GABRG3: variants seen among roughly 807,000 people sequenced by gnomAD.
GABRG3 encodes the protein gamma-aminobutyric acid receptor subunit gamma-3.
In GABRG3, 25 loss-of-function variants were observed where a neutral mutation model predicts 48.8. The observed-to-expected ratio is 0.51, with a 90% CI of 0.37 to 0.72. The LOEUF (loss-of-function observed/expected upper bound fraction) is 0.72, where lower values mean the gene tolerates loss of function less well. GABRG3 is among the 30% of genes least tolerant of loss of function. The pLI, the probability that GABRG3 is intolerant of heterozygous loss-of-function variation, is 0.00. For synonymous variants in GABRG3, 227 were observed against 217.6 expected (o/e 1.04, Z -0.38); for missense variants, 394 against 577.9 (o/e 0.68, Z 3.26).
At chr15:27,039,158 GC>G (rs1406476929) in intron 3 of GABRG3, among the ~76,000 whole-genome samples, 2 of 152,208 alleles carry the variant, frequency 1.3e-5, no homozygotes, top group African/African-American at 4.8e-5. Context: ...GGCCAAACCA[GC>G]CTAAAGGGTT....
chr15:27,232,072 T>TA (rs1889817492), intron 3 of GABRG3, among the ~76,000 whole-genome samples: 1 of 152,178 alleles, frequency 6.6e-6, no homozygotes. Context: ...CCAATTCTAG[T>TA]AAAAATACTT....
chr15:27,481,825 G>A (rs191218094), intron 6 of GABRG3, among the ~76,000 whole-genome samples: 35 of 152,238 alleles, frequency 2.3e-4, no homozygotes, highest in Non-Finnish European at 3.5e-4. Context: ...TGGAGGCAGC[G>A]CAAAGGGAAA....
intron 5 of GABRG3, among the ~76,000 whole-genome samples, chr15:27,463,855 CTT>C (rs1001029651): frequency 6.6e-6 from 1 of 152,196 alleles, no homozygotes; most frequent in Non-Finnish European, 1.5e-5. Context: ...ATCACTCCAA[CTT>C]CTCTCTTCGC....
rs553271320 is a variant in GABRG3 at position 27,537,768 on chromosome 15, A to G, written c.*4887A>G. Reference sequence around the variant, plus strand: ...CAATTTCAGGATATCAGCTTGATCTAGTTGTATTAAGGCCAAAAGGCAGAC... The same window carrying G: ...CAATTTCAGGATATCAGCTTGATCTGGTTGTATTAAGGCCAAAAGGCAGAC... On this transcript the variant is annotated 3_prime_UTR_variant, in exon 10 of 10. Transcript: ENST00000615808. 1 of 151,542 alleles carries G rather than the reference A, an allele frequency of 6.6e-6. No individual in the cohort carries two copies. Among genetic ancestry groups the G allele is most frequent in the Non-Finnish European group, 1.5e-5 (1 of 67,908 alleles). 9.4% of individuals were successfully genotyped at this position (151,542 alleles called of 1,614,324 possible).
At chr15:27,285,932 C>T (rs1350880599) in intron 3 of GABRG3, among the ~76,000 whole-genome samples, 1 of 152,280 alleles carries the variant, frequency 6.6e-6, no homozygotes, top group South Asian at 2.1e-4. Flanking sequence ...GCATCTCACT[C>T]ACCTCTCTAT....
chr15:27,298,016 A>G (rs1021339887), intron 3 of GABRG3, among the ~76,000 whole-genome samples: 8 of 152,108 alleles, frequency 5.3e-5, no homozygotes, highest in Non-Finnish European at 1.2e-4. Context: ...CAAACGTTAC[A>G]TCAGAAAATA....
At chr15:26,998,909 G>C (rs1895389536) in intron 2 of GABRG3, among the ~76,000 whole-genome samples, 1 of 151,944 alleles carries the variant, frequency 6.6e-6, no homozygotes, top group Non-Finnish European at 1.5e-5. Context: ...CAATTTCCAG[G>C]GATTTTAAAT....
chr15:27,324,539 G>C (rs1212234905), intron 3 of GABRG3, among the ~76,000 whole-genome samples: 1 of 152,180 alleles, frequency 6.6e-6, no homozygotes, highest in African/African-American at 2.4e-5. Context: ...CCATGGTAAA[G>C]TGGGCATTGG....
chr15:27,126,542 G>A (rs1206357169), intron 3 of GABRG3, among the ~76,000 whole-genome samples: 2 of 152,194 alleles, frequency 1.3e-5, no homozygotes, highest in Admixed American at 6.5e-5. Context: ...CTGGCTGGGG[G>A]AGGCCATGGG....
intron 3 of GABRG3, among the ~76,000 whole-genome samples, chr15:27,273,358 G>A (rs1489068848): frequency 1.3e-5 from 2 of 152,226 alleles, no homozygotes; most frequent in Non-Finnish European, 2.9e-5. Flanking sequence ...ATTATTTCAT[G>A]TAATGGCCCT....
At chr15:27,255,499 G>C (rs1230454282) in intron 3 of GABRG3, among the ~76,000 whole-genome samples, 1 of 152,166 alleles carries the variant, frequency 6.6e-6, no homozygotes, top group Non-Finnish European at 1.5e-5. Flanking sequence ...AGGTGTTTGG[G>C]TGCTGCCTGT....
rs1018132138 is a variant in GABRG3, at chr15:27,541,598, G to T, written c.*8717G>T. On this transcript the variant is annotated 3_prime_UTR_variant, in exon 10 of 10. Transcript: ENST00000615808. ...CGGTGTGGATGCGCTTGGCCCCGAGGGGGCCGCGCCCTGCCCCAGTGCGTG... is the reference window on the plus strand; with the variant it reads ...CGGTGTGGATGCGCTTGGCCCCGAGTGGGCCGCGCCCTGCCCCAGTGCGTG... 9.2e-5 allele frequency: 14 copies of T among 152,428 alleles called. No individual in the cohort carries two copies. The highest frequency in any genetic ancestry group is 1.8e-4 in the Non-Finnish European group (12 of 68,102). 9.4% of individuals were successfully genotyped at this position (152,428 alleles called of 1,614,324 possible).
intron 3 of GABRG3, among the ~76,000 whole-genome samples, chr15:27,145,550 C>T (rs1414781830): frequency 1.3e-5 from 2 of 149,288 alleles, no homozygotes; most frequent in African/African-American, 4.9e-5. Flanking sequence ...TCAACAGTCT[C>T]AGAGACCTAT....
At chr15:27,159,612 T>C (rs1327077744) in intron 3 of GABRG3, among the ~76,000 whole-genome samples, 1 of 152,108 alleles carries the variant, frequency 6.6e-6, no homozygotes, top group East Asian at 1.9e-4. Flanking sequence ...GATTATTCGT[T>C]CTCAGCTACA....
At position 27,128,600 on chromosome 15, in the gene GABRG3, G is replaced by A. The variant is rs559892146; in HGVS notation, c.270+101779G>A. Among the ~76,000 whole-genome samples, 3 of 152,250 alleles carry A rather than the reference G, an allele frequency of 2.0e-5. No individual in the cohort carries two copies. In the South Asian group the frequency reaches 6.2e-4, roughly 32 times the overall value. On this transcript the variant is annotated intron_variant, in intron 3 of 9. Coordinates refer to ENST00000615808, the MANE Select transcript of GABRG3 (RefSeq NM_033223.5). ...GCTGATATTTTATATATTTGGATGG[G>A]GCATTGATGAAATAAGTGCAACACT... is the stretch of plus-strand genomic sequence containing the variant.
At chr15:27,440,490 T>A (rs1034106304) in intron 5 of GABRG3, among the ~76,000 whole-genome samples, 3 of 152,254 alleles carry the variant, frequency 2.0e-5, no homozygotes, top group Non-Finnish European at 4.4e-5. Context: ...GGAATGTACC[T>A]GATGCCATCC....
At chr15:27,296,836 G>A (rs1422783155) in intron 3 of GABRG3, among the ~76,000 whole-genome samples, 1 of 143,846 alleles carries the variant, frequency 7.0e-6, no homozygotes, top group Non-Finnish European at 1.5e-5. Context: ...TTTGTAAAAT[G>A]TACTCCTTCT....
intron 3 of GABRG3, among the ~76,000 whole-genome samples, chr15:27,209,070 G>A (rs1763785649): frequency 6.6e-6 from 1 of 152,226 alleles, no homozygotes; most frequent in Admixed American, 6.5e-5. Context: ...CAGCACGGCT[G>A]CTCAGGGCAC....
At chr15:27,377,030 C>T (rs1408774168) in intron 5 of GABRG3, among the ~76,000 whole-genome samples, 3 of 152,156 alleles carry the variant, frequency 2.0e-5, no homozygotes, top group African/African-American at 7.2e-5. Flanking sequence ...GAAATTTCTC[C>T]ACCAGATACC....
Sources: gnomAD v4.1 joint callset for allele counts (sites outside exome capture counted in the v4.1 genomes callset) on GRCh38, gnomAD v4.1.1 for gene constraint, MANE v1.5 for transcripts, NCBI Gene and HGNC (gene_info 2026-07-23, HGNC 2026-07-21) for gene names.